TAF6L: variants seen among roughly 807,000 people sequenced by gnomAD.
TAF6L encodes the protein TATA-box binding protein associated factor 6 like.
In TAF6L, 34 loss-of-function variants were observed where a neutral mutation model predicts 57.3. The observed-to-expected ratio is 0.59, with a 90% CI of 0.45 to 0.79. TAF6L has a LOEUF of 0.79. Ranked by LOEUF, TAF6L falls within the 30% of genes least tolerant of loss-of-function variation. The pLI is 0.00. For synonymous variants in TAF6L, 417 were observed against 376.3 expected (o/e 1.11, Z -1.25); for missense variants, 782 against 853.2 (o/e 0.92, Z 1.04).
chr11:62,775,885 G>T lies in TAF6L; in HGVS notation c.102G>T (p.Ala34=), dbSNP rs149856351. 3 of 1,613,930 alleles carry T rather than the reference G, an allele frequency of 1.9e-6. No individual in the cohort carries two copies. The highest frequency in any genetic ancestry group is 1.7e-5 in the Admixed American group (1 of 59,988). The change falls in exon 2 of 11, where the codon GCG becomes GCT. Residue 34 remains alanine (A), a synonymous_variant. Transcript: ENST00000294168. The stretch of plus-strand genomic sequence containing the variant: ...TGGAGCTGAGCGATGAGGTGGCGGC[G>T]CTGCTCGCAGAGGACGTGTGCTATC... ...TGLELSDEVA[A]LLAEDVCYRL...
intron 1 of TAF6L, 101 bp from the exon 2 acceptor site, chr11:62,775,670 C>G: frequency 1.5e-6 from 2 of 1,359,402 alleles, no homozygotes; most frequent in Non-Finnish European, 2.0e-6. Context: ...TTAGAAACTC[C>G]AGAGCACGAG....
chr11:62,785,241 G>A (rs566133124), intron 9 of TAF6L, among the ~76,000 whole-genome samples: 1 of 151,892 alleles, frequency 6.6e-6, no homozygotes, highest in South Asian at 2.1e-4. Flanking sequence ...ACCCAGGCTG[G>A]AGTGCAATGG....
In TAF6L at chr11:62,786,249, CT is replaced by C. The variant is rs2084274064; in HGVS notation, c.961-9del. 6.2e-6 allele frequency: 10 copies of C among 1,607,698 alleles called. No homozygotes were observed. The highest frequency in any genetic ancestry group is 7.7e-6 in the Non-Finnish European group (9 of 1,174,656). The stretch of plus-strand genomic sequence containing the variant: ...AAGACATGCTAACTGTATTCCTTCT[CT>C]TCCTTCCAGGCAGTAGAACGAGTCC... On this transcript the variant is annotated splice_polypyrimidine_tract_variant and intron_variant, in intron 9 of 10. Coordinates refer to ENST00000294168, the MANE Select transcript of TAF6L (RefSeq NM_006473.4).
At chr11:62,776,341 G>A in intron 2 of TAF6L, 43 bp from the exon 3 acceptor site, 3 of 1,605,206 alleles carry the variant, frequency 1.9e-6, no homozygotes, top group African/African-American at 1.3e-5. Context: ...CATGCCCCCT[G>A]CTTCACATCC....
intron 1 of TAF6L, chr11:62,772,146 G>A (rs774674437): frequency 3.9e-5 from 18 of 456,108 alleles, no homozygotes; most frequent in South Asian, 2.8e-4. Flanking sequence ...TGAAATAGAC[G>A]AAATACATAA....
At chr11:62,776,602 G>C (rs570174307) in intron 3 of TAF6L, 132 bp downstream of exon 3, 2 of 872,398 alleles carry the variant, frequency 2.3e-6, no homozygotes, top group African/African-American at 3.4e-5. Context: ...TGTAATCCCA[G>C]CACTTTGGGA....
chr11:62,777,871 TC>T (rs886212380), intron 3 of TAF6L, 106 bp from the exon 4 acceptor site: 1 of 1,345,296 alleles, frequency 7.4e-7, no homozygotes, highest in African/African-American at 1.5e-5. Context: ...CTTCTGGACT[TC>T]CTTCAAACGT....
intron 1 of TAF6L, among the ~76,000 whole-genome samples, chr11:62,775,370 T>C (rs2084179036): frequency 6.6e-6 from 1 of 152,216 alleles, no homozygotes; most frequent in African/African-American, 2.4e-5. Context: ...AAGGTGAGAT[T>C]TGTGCGGGGA....
In TAF6L at chr11:62,787,196, C is replaced by T. The variant is rs2084290716; in HGVS notation, c.1769C>T (p.Pro590Leu). ...TAFPAPYGPSPASRYVQKLPM... is the reference protein window; with the variant it reads ...TAFPAPYGPSLASRYVQKLPM... ...TTCCCCGCGCCGTACGGGCCTAGCC[C>T]GGCCTCGCGCTACGTGCAGAAACTG... is the stretch of plus-strand genomic sequence containing the variant. Residue 590 changes from proline to leucine, a missense_variant, in exon 11 of 11, where the codon CCG becomes CTG. Around this residue, in one of 3 missense-constraint regions of TAF6L, gnomAD observed 483 missense variants for 445.1 expected, o/e 1.09. Coordinates refer to ENST00000294168, the MANE Select transcript of TAF6L (RefSeq NM_006473.4). 5.0e-6 allele frequency: 8 copies of T among 1,588,548 alleles called. No homozygotes were observed. Among genetic ancestry groups the T allele is most frequent in the East Asian group, 2.3e-5 (1 of 43,600 alleles).
chr11:62,780,838 G>A (rs2084223734), intron 6 of TAF6L, among the ~76,000 whole-genome samples: 1 of 150,530 alleles, frequency 6.6e-6, no homozygotes, highest in South Asian at 2.1e-4. Context: ...TTGCGAGGCT[G>A]ATGCAGGAGA....
chr11:62,782,741 C>A lies in TAF6L; in HGVS notation c.876C>A (p.Ser292=). 1 of 1,612,752 alleles carries A rather than the reference C, an allele frequency of 6.2e-7. No individual in the cohort carries two copies. The highest frequency in any genetic ancestry group is 8.5e-7 in the Non-Finnish European group (1 of 1,180,034). Residue 292 remains serine, a synonymous_variant, in exon 9 of 11, where the codon TCC becomes TCA. Coordinates refer to ENST00000294168, the MANE Select transcript of TAF6L (RefSeq NM_006473.4). ...GCCTCTATCAGCATATCCTGCTATC[C>A]CTGCAGAAGATCCTGGCAGATCCTG... ...VSGLYQHILL[S]LQKILADPVR...
chr11:62,771,847 C>G (rs1437875216), intron 1 of TAF6L: 3 of 300,408 alleles, frequency 1.0e-5, no homozygotes, highest in African/African-American at 4.4e-5. Flanking sequence ...CCGTGCCTTT[C>G]GCGCTGGTGG....
chr11:62,775,176 A>G (rs1176671712), intron 1 of TAF6L, among the ~76,000 whole-genome samples: 1 of 152,138 alleles, frequency 6.6e-6, no homozygotes, highest in Non-Finnish European at 1.5e-5. Context: ...GAGGAAGCAA[A>G]CATGTCTTTC....
At chr11:62,782,016 G>T in intron 7 of TAF6L, 48 bp downstream of exon 7, 2 of 1,607,750 alleles carry the variant, frequency 1.2e-6, no homozygotes, top group South Asian at 2.2e-5. Context: ...AGGAAGAGAT[G>T]ACCCAGCAGG....
At position 62,781,983 on chromosome 11, in the gene TAF6L, T is replaced by C. The variant is rs761399823; in HGVS notation, c.606+15T>C. 2.5e-6 allele frequency: 4 copies of C among 1,613,550 alleles called. No individual in the cohort carries two copies. In the African/African-American group the frequency reaches 5.3e-5, roughly 22 times the overall value. ...TGGTCAGTGGGGTAAGTGACCAGGCTGGGACAGGGAGAATGTTTTATAAGG... is the reference window on the plus strand; with the variant it reads ...TGGTCAGTGGGGTAAGTGACCAGGCCGGGACAGGGAGAATGTTTTATAAGG... On this transcript the variant is annotated intron_variant, in intron 7 of 10. Transcript: ENST00000294168.
chr11:62,785,627 C>T (rs1378833588), intron 9 of TAF6L, among the ~76,000 whole-genome samples: 3 of 150,192 alleles, frequency 2.0e-5, no homozygotes, highest in East Asian at 3.9e-4. Context: ...CTCTGCCCCC[C>T]GAGTTCAAGT....
chr11:62,782,047 C>G, intron 7 of TAF6L, 66 bp from the exon 8 acceptor site: 1 of 1,591,814 alleles, frequency 6.3e-7, no homozygotes, highest in Non-Finnish European at 8.6e-7. Flanking sequence ...ATGGCAAGTG[C>G]TGTCAGAATG....
chr11:62,777,840 C>A, intron 3 of TAF6L, 138 bp from the exon 4 acceptor site: 2 of 1,045,962 alleles, frequency 1.9e-6, no homozygotes, highest in Non-Finnish European at 2.7e-6. Context: ...GAGTCCCAGG[C>A]TTCCACCACT....
chr11:62,786,619 G>A lies in TAF6L; in HGVS notation c.1192G>A (p.Asp398Asn), dbSNP rs779096059. 12 of 1,599,558 alleles carry A rather than the reference G, an allele frequency of 7.5e-6. No individual in the cohort carries two copies. In the East Asian group the frequency reaches 2.7e-4, roughly 36 times the overall value. Residue 398 changes from aspartate (D) to asparagine (N), a missense_variant, in exon 11 of 11, where the codon GAC becomes AAC. This residue lies in a region of TAF6L where 483 missense variants were observed against 445.1 expected (regional missense o/e 1.09). Coordinates refer to ENST00000294168, the MANE Select transcript of TAF6L (RefSeq NM_006473.4). ...CCGGCGCCTGGACGACCTGCCATGGGACAGCCTTCTCTTTCAAGAGTCGTC... is the reference window on the plus strand; with the variant it reads ...CCGGCGCCTGGACGACCTGCCATGGAACAGCCTTCTCTTTCAAGAGTCGTC... ...GCRRLDDLPW[D>N]SLLFQESSSG...
Sources: allele counts gnomAD v4.1 joint callset (sites outside exome capture counted in the v4.1 genomes callset), GRCh38; gene constraint gnomAD v4.1.1; regional missense constraint gnomAD v4.1.1; transcripts MANE v1.5; gene names NCBI Gene and HGNC (gene_info 2026-07-23, HGNC 2026-07-21).